The following LRRC7 variants were observed in gnomAD, a reference collection of about 807,000 sequenced individuals.
The protein encoded by LRRC7 is leucine rich repeat containing 7.
A neutral mutation model predicts 175.7 loss-of-function variants in LRRC7; 23 were observed. The ratio of observed to expected loss-of-function variants is 0.13; its 90% confidence interval spans 0.09 to 0.19. The LOEUF (loss-of-function observed/expected upper bound fraction) is 0.19, where lower values mean the gene tolerates loss of function less well. LRRC7 is among the 10% of genes least tolerant of loss of function. The pLI, the probability that LRRC7 is intolerant of heterozygous loss-of-function variation, is 1.00. For synonymous variants in LRRC7, 685 were observed against 680.9 expected (o/e 1.01, Z -0.09); for missense variants, 1,354 against 1,904.7 (o/e 0.71, Z 5.38).
rs1239872154 is a variant in LRRC7 at position 70,139,711 on chromosome 1, T to A, written c.*17824T>A. 1 of 152,158 alleles carries A rather than the reference T, an allele frequency of 6.6e-6. No homozygotes were observed. The highest frequency in any genetic ancestry group is 1.5e-5 in the Non-Finnish European group (1 of 68,040). 9.4% of individuals were successfully genotyped at this position (152,158 alleles called of 1,614,324 possible). ...ATTTCAAAATAGGCCAAAGCTGAAG[T>A]CATAGGAATGAGACATTAATTGTAG... On this transcript the variant is annotated 3_prime_UTR_variant, in exon 27 of 27. Coordinates refer to ENST00000651989, the MANE Select transcript of LRRC7 (RefSeq NM_001370785.2).
At chr1:69,794,196 G>A (rs377689030) in intron 4 of LRRC7, among the ~76,000 whole-genome samples, 1 of 151,028 alleles carries the variant, frequency 6.6e-6, no homozygotes, top group Non-Finnish European at 1.5e-5. Flanking sequence ...CAGGGGACAC[G>A]GACCTCTTTC....
chr1:69,963,643 G>T (rs922878458), intron 8 of LRRC7, among the ~76,000 whole-genome samples: 2 of 152,114 alleles, frequency 1.3e-5, no homozygotes, highest in African/African-American at 2.4e-5. Flanking sequence ...TTTGGAGAAA[G>T]AATATAAGAC....
Position 69,957,654 on chromosome 1 carries a change from C to G in LRRC7, c.712-22725C>G, listed in dbSNP as rs575314111. The stretch of plus-strand genomic sequence containing the variant: ...TGAACAGAAGTAGTCTTTTCTGATT[C>G]AGAAGGTATTTCAGTTTTGCAGTAC... On this transcript the variant is annotated intron_variant, in intron 8 of 26. Coordinates refer to ENST00000651989, the MANE Select transcript of LRRC7 (RefSeq NM_001370785.2). Among the ~76,000 whole-genome samples, 64 of 151,828 alleles carry G rather than the reference C, an allele frequency of 4.2e-4. 1 individual carries two copies. The highest frequency in any genetic ancestry group is 1.8e-4 in the Non-Finnish European group (12 of 67,802).
intron 3 of LRRC7, among the ~76,000 whole-genome samples, chr1:69,760,635 G>A (rs894656379): frequency 1.1e-4 from 16 of 151,844 alleles, no homozygotes; most frequent in South Asian, 2.1e-4. Flanking sequence ...ATTATGCCTC[G>A]TTATCTTCAT....
chr1:70,067,070 G>A (rs1662032321), intron 23 of LRRC7, among the ~76,000 whole-genome samples: 1 of 151,998 alleles, frequency 6.6e-6, no homozygotes, highest in African/African-American at 2.4e-5. Flanking sequence ...GCCTCCATCT[G>A]TATATCCTCT....
At chr1:69,581,023 C>T (rs1646178733) in intron 1 of LRRC7, among the ~76,000 whole-genome samples, 1 of 152,070 alleles carries the variant, frequency 6.6e-6, no homozygotes, top group South Asian at 2.1e-4. Flanking sequence ...CACTGGAGGG[C>T]AATGTGATTG....
intron 9 of LRRC7, 92 bp downstream of exon 9, chr1:69,980,545 G>A (rs1653315294): frequency 1.9e-6 from 2 of 1,028,588 alleles, no homozygotes; most frequent in East Asian, 2.4e-5. Flanking sequence ...TTCAGTATTT[G>A]TGTTTCAAAG....
chr1:70,059,768 G>A (rs914606354), intron 23 of LRRC7, among the ~76,000 whole-genome samples: 1 of 151,700 alleles, frequency 6.6e-6, no homozygotes, highest in African/African-American at 2.4e-5. Context: ...TTGTTTTTCT[G>A]TCAACCATAT....
intron 2 of LRRC7, among the ~76,000 whole-genome samples, chr1:69,756,168 G>A (rs1343040845): frequency 6.6e-6 from 1 of 151,762 alleles, no homozygotes; most frequent in Non-Finnish European, 1.5e-5. Context: ...TAGATAAAGG[G>A]TAAGACAAGA....
intron 25 of LRRC7, among the ~76,000 whole-genome samples, chr1:70,091,061 T>C (rs1332498121): frequency 6.6e-6 from 1 of 152,058 alleles, no homozygotes; most frequent in Non-Finnish European, 1.5e-5. Flanking sequence ...GGATGGGAGC[T>C]CCTTTGGTCA....
At chr1:69,709,008 G>T (rs12081823) in intron 2 of LRRC7, among the ~76,000 whole-genome samples, 4 of 152,124 alleles carry the variant, frequency 2.6e-5, no homozygotes, top group East Asian at 1.9e-4. Flanking sequence ...AATATTATCC[G>T]ATCTACTACA....
At chr1:69,965,984 A>C (rs1424007121) in intron 8 of LRRC7, among the ~76,000 whole-genome samples, 1 of 152,200 alleles carries the variant, frequency 6.6e-6, no homozygotes, top group Non-Finnish European at 1.5e-5. Context: ...AAAATGGAAG[A>C]AAGTTTCTTA....
At chr1:70,082,810 T>TTTTTTTTTTTTTTTTTTA (rs1309947033) in intron 24 of LRRC7, among the ~76,000 whole-genome samples, 1 of 139,398 alleles carries the variant, frequency 7.2e-6, no homozygotes, top group African/African-American at 2.7e-5. Flanking sequence ...TTTTTTTTTT[T>TTTTTTTTTTTTTTTTTTA]TTGAGACAAA....
intron 8 of LRRC7, among the ~76,000 whole-genome samples, chr1:69,965,644 T>C (rs892703499): frequency 5.9e-5 from 9 of 152,086 alleles, no homozygotes; most frequent in African/African-American, 2.2e-4. Flanking sequence ...TTATGAACAT[T>C]TTAATGTGAT....
At chr1:69,881,817 C>T (rs1686636523) in intron 7 of LRRC7, among the ~76,000 whole-genome samples, 1 of 150,290 alleles carries the variant, frequency 6.7e-6, no homozygotes, top group Non-Finnish European at 1.5e-5. Context: ...GAGAACAAGA[C>T]TGCAGTGAGC....
intron 7 of LRRC7, among the ~76,000 whole-genome samples, chr1:69,929,914 G>A (rs565768011): frequency 1.3e-5 from 2 of 151,986 alleles, no homozygotes; most frequent in South Asian, 4.2e-4. Context: ...TAGCCATACT[G>A]GTCTGCTAGG....
At chr1:69,629,514 A>G (rs1052969309) in intron 1 of LRRC7, among the ~76,000 whole-genome samples, 1 of 152,140 alleles carries the variant, frequency 6.6e-6, no homozygotes, top group Non-Finnish European at 1.5e-5. Context: ...TGCAACCTGC[A>G]CGTCTCCAAG....
chr1:69,687,740 C>A (rs1290385356), intron 2 of LRRC7, among the ~76,000 whole-genome samples: 7 of 151,812 alleles, frequency 4.6e-5, no homozygotes, highest in Non-Finnish European at 1.0e-4. Context: ...AACAGAATTT[C>A]TTTAATATTA....
At chr1:69,795,855 T>C (rs1180881317) in intron 4 of LRRC7, among the ~76,000 whole-genome samples, 1 of 152,110 alleles carries the variant, frequency 6.6e-6, no homozygotes, top group Non-Finnish European at 1.5e-5. Context: ...TTTAGATAAG[T>C]GAACTATTGT....
Sources: allele counts gnomAD v4.1 joint callset (sites outside exome capture counted in the v4.1 genomes callset), GRCh38; gene constraint gnomAD v4.1.1; transcripts MANE v1.5; gene names NCBI Gene and HGNC (gene_info 2026-07-23, HGNC 2026-07-21).